AADAT: variants seen among roughly 807,000 people sequenced by gnomAD.
AADAT encodes kynurenine/alpha-aminoadipate aminotransferase, mitochondrial.
AADAT carries 25 observed loss-of-function variants against 56.2 expected under a neutral mutation model. The observed-to-expected ratio is 0.44, with a 90% CI of 0.32 to 0.62. The LOEUF (loss-of-function observed/expected upper bound fraction) is 0.62, where lower values mean the gene tolerates loss of function less well. Ranked by LOEUF, AADAT falls within the 20% of genes least tolerant of loss-of-function variation. AADAT has a pLI of 0.04. For missense variants in AADAT, 387 were observed against 510.5 expected, an observed-to-expected ratio of 0.76 and a Z score of 2.33; for synonymous variants, 173 against 164.7, an observed-to-expected ratio of 1.05 and a Z score of -0.39.
chr4:170,061,056 A>T (rs1731165153), intron 12 of AADAT, 87 bp from the exon 13 acceptor site: 1 of 992,558 alleles, frequency 1.0e-6, no homozygotes, highest in Non-Finnish European at 1.4e-6. Context: ...CCAAACAAAG[A>T]GTATCTGTCT....
intron 5 of AADAT, among the ~76,000 whole-genome samples, chr4:170,072,391 T>G (rs1223703442): frequency 2.0e-5 from 3 of 152,128 alleles, no homozygotes; most frequent in African/African-American, 4.8e-5. Flanking sequence ...CACCTCAGCC[T>G]TCCAAAGTGC....
At chr4:170,085,017 GAGGATGAAGA>G (rs1732485722) in intron 3 of AADAT, among the ~76,000 whole-genome samples, 1 of 152,180 alleles carries the variant, frequency 6.6e-6, no homozygotes, top group Non-Finnish European at 1.5e-5. Flanking sequence ...ACATGAAGAT[GAGGATGAAGA>G]CCTATATGAT....
intron 8 of AADAT, 53 bp downstream of exon 8, chr4:170,068,538 T>A: frequency 4.3e-6 from 6 of 1,388,772 alleles, no homozygotes; most frequent in South Asian, 1.3e-5. Context: ...ATTATTTTTT[T>A]AAAATTCTAA....
At position 170,064,744 on chromosome 4, in the gene AADAT, A is replaced by G. The variant is rs1337799234; in HGVS notation, c.1109T>C (p.Ile370Thr). 4 of 1,609,138 alleles carry G rather than the reference A, an allele frequency of 2.5e-6. No individual in the cohort carries two copies. The highest frequency in any genetic ancestry group is 3.4e-6 in the Non-Finnish European group (4 of 1,178,980). ...CCCCATCTTAACGGCCTTTTCTTCAATCAGTTCTTTTACATCATTAATGCC... is the reference window on the plus strand; with the variant it reads ...CCCCATCTTAACGGCCTTTTCTTCAGTCAGTTCTTTTACATCATTAATGCC... ...VKGINDVKEL[I>T]EEKAVKMGVL... Residue 370 changes from isoleucine (I) to threonine (T), a missense_variant, in exon 11 of 13, where the codon ATT becomes ACT. Ile to Thr is a moderately conservative substitution (Grantham distance 89). Coordinates refer to ENST00000337664, the MANE Select transcript of AADAT (RefSeq NM_016228.4).
chr4:170,060,848 C>G lies in AADAT; in HGVS notation c.*80G>C, dbSNP rs1731156738. On this transcript the variant is annotated 3_prime_UTR_variant, in exon 13 of 13. Transcript: ENST00000337664. The stretch of plus-strand genomic sequence containing the variant: ...TACTGCAGCCTTGAATTCCTGGGTT[C>G]AAGTGATCCTCCCTCCTCTGCCTCC... 1 of 1,237,236 alleles carries G rather than the reference C, an allele frequency of 8.1e-7. No individual in the cohort carries two copies. Among genetic ancestry groups the G allele is most frequent in the Non-Finnish European group, 1.1e-6 (1 of 901,776 alleles). The allele number at this position is 1,237,236 out of a possible 1,614,324, so 76.6% of individuals were successfully genotyped here. A position where few individuals can be genotyped will look rare whatever the true frequency, so the allele number is the denominator to read the frequency against.
intron 3 of AADAT, among the ~76,000 whole-genome samples, chr4:170,083,440 C>T (rs185249731): frequency 6.6e-6 from 1 of 152,106 alleles, no homozygotes; most frequent in East Asian, 1.9e-4. Flanking sequence ...AGAAAGACTT[C>T]AAATTAACAA....
chr4:170,085,588 G>A (rs1732521048), intron 3 of AADAT, among the ~76,000 whole-genome samples: 1 of 152,132 alleles, frequency 6.6e-6, no homozygotes, highest in South Asian at 2.1e-4. Context: ...GATGGATAAA[G>A]AAGAAACTGT....
rs578132832 is a variant in AADAT, at chr4:170,085,488, T to C, written c.369+1628A>G. Among the ~76,000 whole-genome samples, 19 of 152,274 alleles carry C rather than the reference T, an allele frequency of 1.2e-4. No individual in the cohort carries two copies. The South Asian group carries it at 3.7e-3, about 30-fold the overall frequency. On this transcript the variant is annotated intron_variant, in intron 3 of 12. Coordinates refer to ENST00000337664, the MANE Select transcript of AADAT (RefSeq NM_016228.4). ...AAATATTAAACCAGATACATATTAG[T>C]GCCCCTATAATAAGCATGTCTGTAA... is the stretch of plus-strand genomic sequence containing the variant.
At chr4:170,087,550 A>G (rs1732623935) in intron 2 of AADAT, among the ~76,000 whole-genome samples, 1 of 152,210 alleles carries the variant, frequency 6.6e-6, no homozygotes, top group Non-Finnish European at 1.5e-5. Context: ...CATGCGTTGC[A>G]TAATCGATTC....
intron 6 of AADAT, 123 bp downstream of exon 6, chr4:170,070,464 G>T (rs573453042): frequency 1.5e-6 from 1 of 651,466 alleles, no homozygotes; most frequent in Non-Finnish European, 2.7e-6. Flanking sequence ...AATCATAATT[G>T]ATTTATTTTC....
chr4:170,090,788 G>A (rs369947992), upstream of AADAT, among the ~76,000 whole-genome samples: 52 of 152,146 alleles, frequency 3.4e-4, no homozygotes, highest in East Asian at 1.7e-3. Context: ...ACTTAATGAG[G>A]GAAGGGTTTC....
At chr4:170,065,376 A>G (rs1731400785) in intron 10 of AADAT, among the ~76,000 whole-genome samples, 1 of 152,242 alleles carries the variant, frequency 6.6e-6, no homozygotes, top group South Asian at 2.1e-4. Flanking sequence ...GAGAAATCAA[A>G]AACAAGCATA....
intron 8 of AADAT, among the ~76,000 whole-genome samples, chr4:170,068,363 A>C (rs1307830372): frequency 6.6e-6 from 1 of 152,250 alleles, no homozygotes; most frequent in South Asian, 2.1e-4. Context: ...GGATCCAATA[A>C]TTTCTCAAAG....
At chr4:170,065,673 A>G (rs900064878) in intron 10 of AADAT, among the ~76,000 whole-genome samples, 11 of 151,774 alleles carry the variant, frequency 7.2e-5, no homozygotes, top group Non-Finnish European at 1.5e-4. Context: ...GCTAATTTTT[A>G]TATTTTTAGT....
At chr4:170,073,054 G>A (rs2727515) in intron 5 of AADAT, 82 bp downstream of exon 5, 12 of 1,311,082 alleles carry the variant, frequency 9.2e-6, no homozygotes, top group Non-Finnish European at 1.2e-5. Context: ...AGGCTAAGAA[G>A]AAAGGGAGCT....
chr4:170,090,810 CTT>C (rs1206617272), upstream of AADAT, among the ~76,000 whole-genome samples: 1 of 152,190 alleles, frequency 6.6e-6, no homozygotes, highest in East Asian at 1.9e-4. Flanking sequence ...GACAACCTCT[CTT>C]TGACTTTAAA....
At chr4:170,073,568 G>A (rs1361946915) in intron 4 of AADAT, among the ~76,000 whole-genome samples, 1 of 151,298 alleles carries the variant, frequency 6.6e-6, no homozygotes, top group Admixed American at 6.6e-5. Context: ...GCAATGGCGT[G>A]ATCTTGGCTC....
rs1017430781 is a variant in AADAT, at chr4:170,089,666, C to T, written c.25G>A (p.Ala9Thr). Residue 9 changes from alanine to threonine, a missense_variant, in exon 1 of 13, where the codon GCA (alanine) becomes ACA (threonine). By Grantham distance (58) the Ala-to-Thr change is moderately conservative. Transcript: ENST00000337664. MNYARFIT[A>T]ASAARNPSPI... is the part of the protein sequence containing the mutation. ...GAAGGGTTTCTGGCTGCGCTCGCTGCCGTGATGAACCGTGCGTAATTCATG... is the reference window on the plus strand; with the variant it reads ...GAAGGGTTTCTGGCTGCGCTCGCTGTCGTGATGAACCGTGCGTAATTCATG... The T allele has an allele frequency of 2.5e-6, 4 of 1,614,164 alleles. No homozygotes were observed. The highest frequency in any genetic ancestry group is 3.4e-6 in the Non-Finnish European group (4 of 1,180,026).
At chr4:170,061,854 G>T in intron 12 of AADAT, 38 bp downstream of exon 12, 1 of 1,468,880 alleles carries the variant, frequency 6.8e-7, no homozygotes, top group Non-Finnish European at 9.4e-7. Flanking sequence ...AAACAGAACT[G>T]CTAGCTAGTG....
Sources: allele counts gnomAD v4.1 joint callset (sites outside exome capture counted in the v4.1 genomes callset), GRCh38; gene constraint gnomAD v4.1.1; transcripts MANE v1.5; gene names NCBI Gene and HGNC (gene_info 2026-07-23, HGNC 2026-07-21).